The following CHST1 variants were observed in gnomAD, a reference collection of about 807,000 sequenced individuals.
CHST1 encodes the protein carbohydrate sulfotransferase 1, also known as Keratan sulfotransferase.
In CHST1, 10 loss-of-function variants were observed where a neutral mutation model predicts 22.5. That is an observed-to-expected ratio of 0.44 (90% CI 0.27 to 0.75). The LOEUF (loss-of-function observed/expected upper bound fraction) is 0.75, where lower values mean the gene tolerates loss of function less well. Ranked by LOEUF, CHST1 falls within the 30% of genes least tolerant of loss-of-function variation. The pLI, the probability that CHST1 is intolerant of heterozygous loss-of-function variation, is 0.15. For missense variants in CHST1, 439 were observed against 576.1 expected, an observed-to-expected ratio of 0.76 and a Z score of 2.44; for synonymous variants, 267 against 264.5, an observed-to-expected ratio of 1.01 and a Z score of -0.09.
rs1296692463 is a variant in CHST1 at position 45,652,084 on chromosome 11, C to T, written c.-134G>A. 1 of 152,382 alleles carries T rather than the reference C, an allele frequency of 6.6e-6. No homozygotes were observed. The highest frequency in any genetic ancestry group is 1.5e-5 in the Non-Finnish European group (1 of 68,196). The allele number at this position is 152,382 out of a possible 1,614,324, so 9.4% of individuals were successfully genotyped here. A position where few individuals can be genotyped will look rare whatever the true frequency, so the allele number is the denominator to read the frequency against. ...CCAGCCAGTGCGGCAGCCCTGTGGC[C>T]AGCAGACTGCAAAAGACAGGGAGGG... On this transcript the variant is annotated 5_prime_UTR_variant, in exon 3 of 4. Transcript: ENST00000308064.
In CHST1 at chr11:45,650,595, G is replaced by A; in HGVS notation, c.329C>T (p.Pro110Leu). 2.5e-6 allele frequency: 4 copies of A among 1,614,000 alleles called. No homozygotes were observed. The highest frequency in any genetic ancestry group is 1.3e-5 in the African/African-American group (1 of 75,074). The change falls in exon 4 of 4, where the codon CCG becomes CTG. Residue 110 changes from proline (P) to leucine (L), a missense_variant. By Grantham distance (98) the Pro-to-Leu change is moderately conservative (BLOSUM62 -3). Transcript: ENST00000308064. The part of the protein sequence containing the change: ...LIPRFTQGKS[P>L]ADRRVMLGAS... ...GCCTAGCATGACCCGCCGGTCGGCC[G>A]GGCTCTTGCCCTGGGTGAAGCGGGG... is the stretch of plus-strand genomic sequence containing the variant.
chr11:45,657,004 G>A (rs571368048), intron 1 of CHST1, among the ~76,000 whole-genome samples: 33 of 152,170 alleles, frequency 2.2e-4, no homozygotes. Context: ...GGGGGATGAA[G>A]AAGCAGCACA....
At position 45,647,950 on chromosome 11, in the gene CHST1, T is replaced by G. The variant is rs141500643; in HGVS notation, c.*1738A>C. On this transcript the variant is annotated 3_prime_UTR_variant, in exon 4 of 4. Transcript: ENST00000308064. ...GGCTAGGACCCCTGGGGCTGCCTAA[T>G]CACCAGACACTCCTTTGTCCCAGGA... Among the ~76,000 whole-genome samples, 492 of 152,296 alleles carry G rather than the reference T, an allele frequency of 3.2e-3. 1 individual carries two copies. The highest frequency in any genetic ancestry group is 0.011 in the African/African-American group (475 of 41,558).
intron 2 of CHST1, among the ~76,000 whole-genome samples, 160 bp from the exon 3 acceptor site, chr11:45,652,250 C>T (rs1431186199): frequency 6.6e-6 from 1 of 152,166 alleles, no homozygotes; most frequent in African/African-American, 2.4e-5. Context: ...GACTCAGCGC[C>T]CCAACCAACC....
intron 1 of CHST1, among the ~76,000 whole-genome samples, chr11:45,657,299 T>C (rs1208935730): frequency 1.7e-5 from 2 of 116,702 alleles, no homozygotes; most frequent in Non-Finnish European, 3.9e-5. Flanking sequence ...AATGAGGTGA[T>C]GAAAATGAAG....
rs1851976030 is a variant in CHST1 at position 45,650,313 on chromosome 11, G to A, written c.611C>T (p.Ala204Val). 1 of 1,604,800 alleles carries A rather than the reference G, an allele frequency of 6.2e-7. No individual in the cohort carries two copies. The highest frequency in any genetic ancestry group is 1.1e-5 in the South Asian group (1 of 91,020). ...CTCGGGCACGCGCACCGTCTTGATG[G>A]CCACGTGGCTGCGCTCGCGGCACGC... ...AEACRERSHV[A>V]IKTVRVPEVN... Residue 204 changes from alanine to valine, a missense_variant, in exon 4 of 4, where the codon GCC becomes GTC. By Grantham distance (64) the Ala-to-Val change is moderately conservative. Coordinates refer to ENST00000308064, the MANE Select transcript of CHST1 (RefSeq NM_003654.6).
chr11:45,656,668 T>C (rs535152270), intron 1 of CHST1, among the ~76,000 whole-genome samples: 112 of 152,180 alleles, frequency 7.4e-4, no homozygotes, highest in African/African-American at 2.7e-3. Context: ...GGGTGATTGA[T>C]GACAGGGTGC....
chr11:45,650,062 T>A lies in CHST1; in HGVS notation c.862A>T (p.Met288Leu), dbSNP rs1378294481. ...TTGCCCTTGAGCCACGGGGGCCGCA[T>A]GAGGCCGGTGGACACGGAGTTGGAG... ...DFSNSVSTGLMRPPWLKGKYM... is the reference protein window; with the variant it reads ...DFSNSVSTGLLRPPWLKGKYM... Residue 288 changes from methionine (M) to leucine (L), a missense_variant, in exon 4 of 4, where the codon ATG becomes TTG. Met to Leu is a conservative substitution (Grantham distance 15). Transcript: ENST00000308064. 3 of 1,614,014 alleles carry A rather than the reference T, an allele frequency of 1.9e-6. No individual in the cohort carries two copies. The highest frequency in any genetic ancestry group is 1.7e-5 in the Admixed American group (1 of 60,022).
intron 1 of CHST1, among the ~76,000 whole-genome samples, chr11:45,655,811 T>C (rs941573019): frequency 6.6e-6 from 1 of 152,234 alleles, no homozygotes; most frequent in Non-Finnish European, 1.5e-5. Flanking sequence ...AGTTACACCA[T>C]AGATCCAGTG....
chr11:45,662,300 G>A (rs1444376932), intron 1 of CHST1, among the ~76,000 whole-genome samples: 1 of 152,102 alleles, frequency 6.6e-6, no homozygotes, highest in Non-Finnish European at 1.5e-5. Flanking sequence ...CCTGCCTTTA[G>A]CGGGAAGGCT....
At chr11:45,662,324 G>C (rs1350521846) in intron 1 of CHST1, among the ~76,000 whole-genome samples, 2 of 152,212 alleles carry the variant, frequency 1.3e-5, no homozygotes, top group African/African-American at 4.8e-5. Flanking sequence ...GCAGGGAGCT[G>C]CCTGTCCATC....
chr11:45,651,066 C>T (rs1033508665), intron 3 of CHST1, 101 bp from the exon 4 acceptor site: 1 of 854,126 alleles, frequency 1.2e-6, no homozygotes, highest in Non-Finnish European at 1.7e-6. Context: ...AAAGGCCCGG[C>T]TCCTGTCCAG....
intron 1 of CHST1, among the ~76,000 whole-genome samples, chr11:45,657,685 C>A (rs761261307): frequency 1.3e-5 from 2 of 152,212 alleles, no homozygotes; most frequent in African/African-American, 2.4e-5. Context: ...GTGCAACCTT[C>A]CAGAGGGGTG....
Position 45,648,560 on chromosome 11 carries a change from G to A in CHST1, c.*1128C>T, listed in dbSNP as rs1016196612. The stretch of plus-strand genomic sequence containing the variant: ...AAAAAAAATAGCCAGGTGTGGCAGT[G>A]TGCACCTGTAGTCCCAGTCACTCGG... On this transcript the variant is annotated 3_prime_UTR_variant, in exon 4 of 4. Transcript: ENST00000308064. 2.0e-5 allele frequency among the ~76,000 whole-genome samples: 3 copies of A among 152,014 alleles called. No individual in the cohort carries two copies. Among genetic ancestry groups the A allele is most frequent in the Non-Finnish European group, 4.4e-5 (3 of 67,966 alleles).
At chr11:45,662,230 G>T (rs1222941367) in intron 1 of CHST1, among the ~76,000 whole-genome samples, 1 of 152,138 alleles carries the variant, frequency 6.6e-6, no homozygotes, top group East Asian at 1.9e-4. Context: ...CACCATCTCT[G>T]CCTGGACCTC....
Position 45,662,658 on chromosome 11 carries a change from G to A in CHST1, c.-227+2520C>T, listed in dbSNP as rs555135596. Among the ~76,000 whole-genome samples, 3 of 152,308 alleles carry A rather than the reference G, an allele frequency of 2.0e-5. No homozygotes were observed. In the East Asian group the frequency reaches 5.8e-4, roughly 29 times the overall value. On this transcript the variant is annotated intron_variant, in intron 1 of 3. Coordinates refer to ENST00000308064, the MANE Select transcript of CHST1 (RefSeq NM_003654.6). Reference sequence around the variant, plus strand: ...CTTACTATGGCACCATTCTAAGTGTGTCTCATATATTACTGCATTTGACCT... The same window carrying A: ...CTTACTATGGCACCATTCTAAGTGTATCTCATATATTACTGCATTTGACCT...
At position 45,649,684 on chromosome 11, in the gene CHST1, C is replaced by T; in HGVS notation, c.*4G>A. ...GCCTCCCGCCCCCACCCGCACCGCC[C>T]GGGTCACGAGAAGGGGCGGAAGTCC... On this transcript the variant is annotated 3_prime_UTR_variant, in exon 4 of 4. Coordinates refer to ENST00000308064, the MANE Select transcript of CHST1 (RefSeq NM_003654.6). 6.4e-7 allele frequency: 1 copy of T among 1,553,962 alleles called. No individual in the cohort carries two copies. Among genetic ancestry groups the T allele is most frequent in the Non-Finnish European group, 8.7e-7 (1 of 1,155,144 alleles).
At chr11:45,659,284 G>A (rs995226823) in intron 1 of CHST1, among the ~76,000 whole-genome samples, 8 of 152,232 alleles carry the variant, frequency 5.3e-5, no homozygotes. Context: ...AGAATCCCAA[G>A]CCCTGGCCCT....
chr11:45,663,924 T>C (rs1220698463), intron 1 of CHST1, among the ~76,000 whole-genome samples: 1 of 152,138 alleles, frequency 6.6e-6, no homozygotes, highest in Non-Finnish European at 1.5e-5. Flanking sequence ...ATGAAAGCAC[T>C]TTGAAAAAGA....
Sources: allele counts gnomAD v4.1 joint callset (sites outside exome capture counted in the v4.1 genomes callset), GRCh38; gene constraint gnomAD v4.1.1; transcripts MANE v1.5; gene names NCBI Gene and HGNC (gene_info 2026-07-23, HGNC 2026-07-21).